The following CLMN variants were observed in gnomAD, a reference collection of about 807,000 sequenced individuals.
CLMN encodes calmin, also known as calmin (calponin-like, transmembrane).
Under a neutral mutation model 92.7 loss-of-function variants are expected in CLMN, and 57 were observed. That is an observed-to-expected ratio of 0.61 (90% confidence interval 0.50 to 0.77). CLMN has a LOEUF of 0.77. Among genes scored for constraint, CLMN ranks in the 30% least tolerant of loss-of-function variants. The pLI, the probability that CLMN is intolerant of heterozygous loss-of-function variation, is 0.00. For synonymous variants in CLMN, 466 were observed against 470.6 expected, an observed-to-expected ratio of 0.99 and a Z score of 0.13; for missense variants, 1,158 against 1,237.5, an observed-to-expected ratio of 0.94 and a Z score of 0.96.
intron 1 of CLMN, among the ~76,000 whole-genome samples, chr14:95,240,652 C>T (rs956418031): frequency 2.6e-5 from 4 of 152,178 alleles, no homozygotes; most frequent in Admixed American, 1.3e-4. Flanking sequence ...AGCAGCTGCC[C>T]ACCCTGGCTA....
Position 95,245,177 on chromosome 14 carries a change from TATATATATATATATATA to T in CLMN, c.83-15061_83-15045del, listed in dbSNP as rs1383182556. Among the ~76,000 whole-genome samples, 176 of 35,810 alleles carry T rather than the reference TATATATATATATATATA, an allele frequency of 4.9e-3. 7 individuals carry two copies. Among genetic ancestry groups the T allele is most frequent in the African/African-American group, 8.9e-3 (73 of 8,172 alleles). 23.5% of individuals were successfully genotyped at this position (35,810 alleles called of 152,430 possible). On this transcript the variant is annotated intron_variant, in intron 1 of 12. Transcript: ENST00000298912. ...AAAGGAACTGTAACTGGTTATATTA[TATATATATATATATATA>T]ATATATATATATATTATATATATAT...
intron 2 of CLMN, among the ~76,000 whole-genome samples, chr14:95,226,245 C>T (rs2140626880): frequency 6.6e-6 from 1 of 152,282 alleles, no homozygotes; most frequent in East Asian, 1.9e-4. Context: ...CTCCCATATA[C>T]TTAAAATCAC....
In CLMN at chr14:95,245,251, T is replaced by A. The variant is rs1428689232; in HGVS notation, c.83-15118A>T. On this transcript the variant is annotated intron_variant, in intron 1 of 12. Coordinates refer to ENST00000298912, the MANE Select transcript of CLMN (RefSeq NM_024734.4). ...TATATATATATATTATATATATATA[T>A]ATAATATATATATATATATTATATA... 1.0e-3 allele frequency among the ~76,000 whole-genome samples: 37 copies of A among 36,868 alleles called. 4 individuals carry two copies. Among genetic ancestry groups the A allele is most frequent in the Middle Eastern group, 0.01 (1 of 100 alleles). The allele number at this position is 36,868 out of a possible 152,430, so 24.2% of individuals were successfully genotyped here.
chr14:95,242,257 T>G, intron 1 of CLMN, among the ~76,000 whole-genome samples: 1 of 131,484 alleles, frequency 7.6e-6, no homozygotes, highest in African/African-American at 2.9e-5. Flanking sequence ...TTTCTTTTTT[T>G]TTTTTTTTTT....
chr14:95,200,576 G>A (rs1201625176), intron 9 of CLMN, among the ~76,000 whole-genome samples: 4 of 152,106 alleles, frequency 2.6e-5, no homozygotes, highest in South Asian at 2.1e-4. Flanking sequence ...GTAGCAGGAC[G>A]CAGCACTTAT....
At chr14:95,243,173 G>C (rs1279978680) in intron 1 of CLMN, among the ~76,000 whole-genome samples, 2 of 152,312 alleles carry the variant, frequency 1.3e-5, no homozygotes, top group Non-Finnish European at 2.9e-5. Context: ...CCTGATTTAA[G>C]CAGGCATTTT....
intron 1 of CLMN, among the ~76,000 whole-genome samples, chr14:95,304,013 CA>C (rs1434010387): frequency 3.9e-5 from 6 of 152,150 alleles, no homozygotes; most frequent in African/African-American, 1.4e-4. Flanking sequence ...CAAGAAGGAC[CA>C]GTGGTCACGG....
intron 1 of CLMN, among the ~76,000 whole-genome samples, chr14:95,276,907 G>C (rs1899951721): frequency 6.6e-6 from 1 of 151,746 alleles, no homozygotes. Flanking sequence ...GCAAAATTGA[G>C]AGGTTTTTGC....
At chr14:95,293,235 T>C (rs1359097048) in intron 1 of CLMN, among the ~76,000 whole-genome samples, 1 of 62,408 alleles carries the variant, frequency 1.6e-5, no homozygotes, top group Admixed American at 2.1e-4. Flanking sequence ...TTTTCCTCCC[T>C]CCCTCCTTCC....
chr14:95,236,638 G>A (rs1419686093), intron 1 of CLMN, among the ~76,000 whole-genome samples: 1 of 152,204 alleles, frequency 6.6e-6, no homozygotes, highest in African/African-American at 2.4e-5. Flanking sequence ...GGCCATTGGG[G>A]GGCCTGTGTG....
intron 1 of CLMN, among the ~76,000 whole-genome samples, chr14:95,275,962 C>A (rs145508313): frequency 7.4e-4 from 113 of 152,306 alleles, no homozygotes; most frequent in Middle Eastern, 3.4e-3. Context: ...CATGCCTGGC[C>A]TTTTTCCTTT....
chr14:95,196,358 A>G lies in CLMN; in HGVS notation c.2708+140T>C, dbSNP rs1460780611. 4 of 834,782 alleles carry G rather than the reference A, an allele frequency of 4.8e-6. No homozygotes were observed. The Admixed American group carries it at 1.2e-4, about 25-fold the overall frequency. 51.7% of individuals were successfully genotyped at this position (834,782 alleles called of 1,614,324 possible). ...GGGTCGGGGAACCCAGGTGTAGAGA[A>G]TGAGGATTGTGTATGAAGCTGTATT... On this transcript the variant is annotated intron_variant, in intron 10 of 12. Coordinates refer to ENST00000298912, the MANE Select transcript of CLMN (RefSeq NM_024734.4).
chr14:95,274,767 T>C (rs1899857865), intron 1 of CLMN, among the ~76,000 whole-genome samples: 1 of 152,102 alleles, frequency 6.6e-6, no homozygotes, highest in African/African-American at 2.4e-5. Flanking sequence ...GATCACCAGG[T>C]CAAGAGATCA....
intron 1 of CLMN, among the ~76,000 whole-genome samples, chr14:95,270,072 T>G (rs1595080071): frequency 6.6e-6 from 1 of 152,024 alleles, no homozygotes; most frequent in East Asian, 1.9e-4. Context: ...TTGGCCAGGG[T>G]CAGACAGCCA....
intron 12 of CLMN, chr14:95,192,056 T>A (rs1896575994): frequency 4.7e-6 from 1 of 213,298 alleles, no homozygotes. Flanking sequence ...GCAATTAACT[T>A]GGCGACAGAG....
At chr14:95,258,350 A>G in intron 1 of CLMN, among the ~76,000 whole-genome samples, 2 of 119,694 alleles carry the variant, frequency 1.7e-5, no homozygotes, top group South Asian at 2.8e-4. Context: ...TGTGTGGTGT[A>G]TGGTATGTTT....
chr14:95,211,028 G>A, intron 6 of CLMN, 149 bp from the exon 7 acceptor site: 1 of 704,140 alleles, frequency 1.4e-6, no homozygotes, highest in South Asian at 2.3e-5. Flanking sequence ...CTGAGCATGG[G>A]AGAGCTGCCC....
At chr14:95,268,834 C>T (rs1199510952) in intron 1 of CLMN, among the ~76,000 whole-genome samples, 4 of 127,868 alleles carry the variant, frequency 3.1e-5, no homozygotes, top group African/African-American at 5.7e-5. Flanking sequence ...GACAGAGTCT[C>T]ACTCTGTCGC....
Position 95,203,850 on chromosome 14 carries a change from T to C in CLMN, c.1499A>G (p.Asn500Ser). 6.2e-7 allele frequency: 1 copy of C among 1,614,050 alleles called. No individual in the cohort carries two copies. Among genetic ancestry groups the C allele is most frequent in the East Asian group, 2.2e-5 (1 of 44,898 alleles). ...AGDIFLVEGTNNNSQSSSCNG... is the reference protein window; with the variant it reads ...AGDIFLVEGTSNNSQSSSCNG... The stretch of plus-strand genomic sequence containing the variant: ...ACAGGAAGAAGACTGAGAATTATTG[T>C]TTGTGCCCTCCACCAAAAAAATGTC... Residue 500 changes from asparagine (N) to serine (S), a missense_variant, in exon 9 of 13, where the codon AAC becomes AGC. Transcript: ENST00000298912.
Sources: gnomAD v4.1 joint callset for allele counts (sites outside exome capture counted in the v4.1 genomes callset) on GRCh38, gnomAD v4.1.1 for gene constraint, MANE v1.5 for transcripts, NCBI Gene and HGNC (gene_info 2026-07-23, HGNC 2026-07-21) for gene names.